Variants in PRKG1 observed in about 807,000 individuals in gnomAD.
PRKG1 encodes the protein protein kinase cGMP-dependent 1.
PRKG1 carries 35 observed loss-of-function variants against 88.1 expected under a neutral mutation model. That is an observed-to-expected ratio of 0.40 (90% CI 0.30 to 0.53). The LOEUF (loss-of-function observed/expected upper bound fraction) is 0.53, where lower values mean the gene tolerates loss of function less well. PRKG1 is among the 20% of genes least tolerant of loss of function. PRKG1 has a pLI of 0.59. For synonymous variants in PRKG1, 303 were observed against 292.5 expected, an observed-to-expected ratio of 1.04 and a Z score of -0.37; for missense variants, 540 against 839.8, an observed-to-expected ratio of 0.64 and a Z score of 4.41.
rs370064125 is a variant in PRKG1 at position 51,146,115 on chromosome 10, G to C, written c.312-7049G>C. On this transcript the variant is annotated intron_variant, in intron 1 of 17. Transcript: ENST00000373980. The stretch of plus-strand genomic sequence containing the variant: ...GAGGCAGGAGAATGGCATGAACCCG[G>C]GAGGCGGAGCTTGCAGTGAGTCCAG... Among the ~76,000 whole-genome samples, 6 of 152,168 alleles carry C rather than the reference G, an allele frequency of 3.9e-5. No individual in the cohort carries two copies. In the South Asian group the frequency reaches 6.2e-4, roughly 16 times the overall value.
chr10:51,610,035 A>G (rs1397725588), intron 3 of PRKG1, among the ~76,000 whole-genome samples: 2 of 152,188 alleles, frequency 1.3e-5, no homozygotes, highest in Admixed American at 6.5e-5. Context: ...GTACATATTT[A>G]TGGGTACATG....
At chr10:51,781,240 A>G (rs1838580770) in intron 3 of PRKG1, among the ~76,000 whole-genome samples, 2 of 152,304 alleles carry the variant, frequency 1.3e-5, no homozygotes, top group East Asian at 3.9e-4. Flanking sequence ...CAAAAAACAG[A>G]CATCTGGATC....
At chr10:52,069,151 G>A (rs901217067) in intron 7 of PRKG1, among the ~76,000 whole-genome samples, 1 of 152,190 alleles carries the variant, frequency 6.6e-6, no homozygotes, top group Non-Finnish European at 1.5e-5. Context: ...TCACTTCATA[G>A]TCTGTGATCA....
chr10:51,272,424 G>A (rs1840005988), intron 2 of PRKG1, among the ~76,000 whole-genome samples: 1 of 152,060 alleles, frequency 6.6e-6, no homozygotes, highest in African/African-American at 2.4e-5. Context: ...GTTGATGGGT[G>A]CAGCAAGCCA....
intron 2 of PRKG1, among the ~76,000 whole-genome samples, chr10:51,254,436 T>C (rs969173012): frequency 6.6e-5 from 10 of 151,950 alleles, no homozygotes; most frequent in African/African-American, 2.4e-4. Context: ...AACCTTCCTA[T>C]AGGGCTCCAA....
In PRKG1 at chr10:50,991,699, T is replaced by G; in HGVS notation, c.266+55T>G. 5 of 1,201,050 alleles carry G rather than the reference T, an allele frequency of 4.2e-6. No individual in the cohort carries two copies. The highest frequency in any genetic ancestry group is 5.2e-6 in the Non-Finnish European group (5 of 961,932). 74.4% of individuals were successfully genotyped at this position (1,201,050 alleles called of 1,614,324 possible). A position where few individuals can be genotyped will look rare whatever the true frequency, so the allele number is the denominator to read the frequency against. On this transcript the variant is annotated intron_variant, in intron 1 of 17. Coordinates refer to the PRKG1 transcript ENST00000401604. The surrounding 1 kb of genome is among the most constrained non-coding windows in gnomAD (Gnocchi z 4.5). The stretch of plus-strand genomic sequence containing the variant: ...TCGTCCCGGCCCGCGGCGCAGAGGC[T>G]GGGGGCTCTGGCCGCGGCGGCGGGG...
rs796194416 is a variant in PRKG1 at position 51,485,846 on chromosome 10, G to C, written c.592+18010G>C. On this transcript the variant is annotated intron_variant, in intron 3 of 17. Transcript: ENST00000373980. ...TGTGACATCTTAAATGTGCTATAGT[G>C]TAGCAGCTTGCTAACGGTGTCAACT... is the stretch of plus-strand genomic sequence containing the variant. 2.0e-4 allele frequency among the ~76,000 whole-genome samples: 30 copies of C among 152,272 alleles called. 1 individual carries two copies. The highest frequency in any genetic ancestry group is 7.0e-4 in the African/African-American group (29 of 41,546).
intron 2 of PRKG1, among the ~76,000 whole-genome samples, chr10:51,464,082 C>T (rs868352328): frequency 2.0e-5 from 3 of 151,052 alleles, no homozygotes; most frequent in Admixed American, 6.6e-5. Context: ...CCGTCTTGGC[C>T]AACATGGTGA....
chr10:52,257,185 C>T (rs1475500192), intron 10 of PRKG1, among the ~76,000 whole-genome samples: 1 of 138,974 alleles, frequency 7.2e-6, no homozygotes, highest in Non-Finnish European at 1.6e-5. Flanking sequence ...GTGGTAGTCG[C>T]GAGAACCAAT....
At chr10:51,093,304 A>AC (rs1428881922) in intron 1 of PRKG1, among the ~76,000 whole-genome samples, 1 of 151,996 alleles carries the variant, frequency 6.6e-6, no homozygotes, top group African/African-American at 2.4e-5. Context: ...AAAGTAGAGA[A>AC]CCCCTGGAAT....
intron 10 of PRKG1, among the ~76,000 whole-genome samples, chr10:52,255,876 T>C (rs926007025): frequency 2.6e-5 from 4 of 152,112 alleles, no homozygotes; most frequent in Non-Finnish European, 5.9e-5. Flanking sequence ...TTTAATAAAA[T>C]AACCTTTCAT....
chr10:51,021,933 G>A lies in PRKG1; in HGVS notation c.266+30289G>A, dbSNP rs571298619. ...TGACCTCAGGCAATCCACCTGCCTC[G>A]GCCTCCCAAAGTGCTGGGATTACAG... On this transcript the variant is annotated intron_variant, in intron 1 of 17. Coordinates refer to the PRKG1 transcript ENST00000401604. 1.8e-4 allele frequency among the ~76,000 whole-genome samples: 27 copies of A among 152,224 alleles called. No individual in the cohort carries two copies. The South Asian group carries it at 4.4e-3, about 25-fold the overall frequency.
intron 1 of PRKG1, among the ~76,000 whole-genome samples, chr10:51,118,376 T>C (rs1306846235): frequency 6.6e-6 from 1 of 152,170 alleles, no homozygotes; most frequent in African/African-American, 2.4e-5. Flanking sequence ...TTATAGAAAG[T>C]AAATTAATAT....
At chr10:51,944,006 T>C (rs1842968736) in intron 5 of PRKG1, among the ~76,000 whole-genome samples, 1 of 152,050 alleles carries the variant, frequency 6.6e-6, no homozygotes, top group African/African-American at 2.4e-5. Context: ...TTTCTGTTGA[T>C]TGGAATAATT....
intron 2 of PRKG1, among the ~76,000 whole-genome samples, chr10:51,291,020 G>A (rs540388898): frequency 3.9e-5 from 6 of 152,184 alleles, no homozygotes; most frequent in Non-Finnish European, 7.4e-5. Flanking sequence ...CTTTGTATAC[G>A]TAATAAAAAT....
At chr10:51,564,121 C>G (rs1008270314) in intron 3 of PRKG1, among the ~76,000 whole-genome samples, 1 of 151,930 alleles carries the variant, frequency 6.6e-6, no homozygotes, top group Non-Finnish European at 1.5e-5. Flanking sequence ...TCTCATATAC[C>G]TTTGGGGCAT....
At chr10:51,318,964 C>T (rs770991846) in intron 2 of PRKG1, among the ~76,000 whole-genome samples, 62 of 152,188 alleles carry the variant, frequency 4.1e-4, no homozygotes, top group Non-Finnish European at 7.3e-4. Context: ...TCTGTAATAA[C>T]ACTTCATGCA....
intron 1 of PRKG1, among the ~76,000 whole-genome samples, chr10:51,151,326 G>A (rs1846067059): frequency 6.6e-6 from 1 of 151,714 alleles, no homozygotes; most frequent in Admixed American, 6.6e-5. Flanking sequence ...TATAAGGAGG[G>A]GTGAAGATAA....
intron 7 of PRKG1, among the ~76,000 whole-genome samples, chr10:52,110,915 G>T (rs77489351): frequency 0.021 from 3,247 of 152,250 alleles, 126 homozygotes; most frequent in African/African-American, 0.072. Context: ...TGCCCAAGCA[G>T]AAATGTATCC....
Sources: allele counts gnomAD v4.1 joint callset (sites outside exome capture counted in the v4.1 genomes callset), GRCh38; gene constraint gnomAD v4.1.1; non-coding constraint Gnocchi (gnomAD v3.1); transcripts MANE v1.5; gene names NCBI Gene and HGNC (gene_info 2026-07-23, HGNC 2026-07-21).